The following SIPA1L1 variants were observed in gnomAD, a reference collection of about 807,000 sequenced individuals.
SIPA1L1 encodes signal induced proliferation associated 1 like 1, also known as signal-induced proliferation-associated 1-like protein 1.
A neutral mutation model predicts 162.7 loss-of-function variants in SIPA1L1; 26 were observed. The observed-to-expected ratio is 0.16, with a 90% CI of 0.12 to 0.22. The LOEUF is 0.22. Among genes scored for constraint, SIPA1L1 ranks in the 10% least tolerant of loss-of-function variants. The pLI is 1.00. For missense variants in SIPA1L1, 1,874 were observed against 2,241.0 expected, an observed-to-expected ratio of 0.84 and a Z score of 3.31; for synonymous variants, 829 against 837.4, an observed-to-expected ratio of 0.99 and a Z score of 0.17.
chr14:71,678,486 G>A (rs1178914164), intron 12 of SIPA1L1, among the ~76,000 whole-genome samples: 3 of 152,196 alleles, frequency 2.0e-5, no homozygotes, highest in Non-Finnish European at 4.4e-5. Flanking sequence ...TCCCAGGGAT[G>A]AAGCCCACTT....
intron 2 of SIPA1L1, among the ~76,000 whole-genome samples, chr14:71,404,190 CA>C (rs35791242): frequency 2.6e-5 from 4 of 151,948 alleles, no homozygotes; most frequent in African/African-American, 9.7e-5. Flanking sequence ...CTTTGGTAAC[CA>C]AAAAGCATTC....
intron 2 of SIPA1L1, among the ~76,000 whole-genome samples, chr14:71,384,342 C>T (rs866006086): frequency 6.6e-6 from 1 of 152,036 alleles, no homozygotes; most frequent in Non-Finnish European, 1.5e-5. Flanking sequence ...GGAGATTATT[C>T]TGGGTTTGTG....
chr14:71,639,776 A>G (rs1177733690), intron 7 of SIPA1L1, among the ~76,000 whole-genome samples: 2 of 152,216 alleles, frequency 1.3e-5, no homozygotes, highest in African/African-American at 4.8e-5. Flanking sequence ...CCCCACACAA[A>G]TATATCTAGC....
chr14:71,588,594 C>T lies in SIPA1L1; in HGVS notation c.722C>T (p.Thr241Ile), dbSNP rs2034884395. Residue 241 changes from threonine (T) to isoleucine (I), a missense_variant, in exon 5 of 24, where the codon ACC becomes ATC. Physicochemically the swap from Thr to Ile is moderately conservative, Grantham distance 89 (BLOSUM62 -1). This residue lies in a region of SIPA1L1 where 685 missense variants were observed against 828.0 expected (regional missense o/e 0.83). Transcript: ENST00000381232. This position sits in a 1 kb window ranked among gnomAD's most constrained non-coding sequence, Gnocchi z 4.3. ...AAATCTGATCGAGGTCCAACTCCAA[C>T]CAAGCTCAGTGACTTTCTCATTACT... ...DDKSDRGPTPTKLSDFLITGG... is the reference protein window; with the variant it reads ...DDKSDRGPTPIKLSDFLITGG... The T allele has an allele frequency of 6.2e-7, 1 of 1,614,026 alleles. No homozygotes were observed. The highest frequency in any genetic ancestry group is 2.2e-5 in the East Asian group (1 of 44,870).
intron 2 of SIPA1L1, among the ~76,000 whole-genome samples, chr14:71,456,946 T>C: frequency 6.6e-6 from 1 of 152,144 alleles, no homozygotes; most frequent in Non-Finnish European, 1.5e-5. Flanking sequence ...ATTTCTCTTA[T>C]TTATTTATTT....
intron 2 of SIPA1L1, among the ~76,000 whole-genome samples, chr14:71,476,714 G>A (rs182064853): frequency 1.3e-3 from 203 of 151,302 alleles, no homozygotes; most frequent in Non-Finnish European, 2.4e-3. Context: ...GTCTAGATCT[G>A]TTGCCCAGGC....
In SIPA1L1 at chr14:71,529,733, C is replaced by T. The variant is rs558591411; in HGVS notation, c.-303+363C>T. Among the ~76,000 whole-genome samples, 11 of 152,336 alleles carry T rather than the reference C, an allele frequency of 7.2e-5. 1 individual carries two copies. In the South Asian group the frequency reaches 2.3e-3, roughly 32 times the overall value. On this transcript the variant is annotated intron_variant, in intron 4 of 23. Transcript: ENST00000381232. The stretch of plus-strand genomic sequence containing the variant: ...AGGAGCAGTCTCATTTCTGCCTTGT[C>T]CATGATTGACTCATGAACTCTGGCT...
At chr14:71,466,405 G>A (rs530602026) in intron 2 of SIPA1L1, among the ~76,000 whole-genome samples, 5 of 152,258 alleles carry the variant, frequency 3.3e-5, no homozygotes, top group African/African-American at 1.2e-4. Flanking sequence ...ACTGCAAATT[G>A]TGCTTGTGTC....
chr14:71,731,844 A>G (rs1424179069), intron 20 of SIPA1L1, among the ~76,000 whole-genome samples: 1 of 152,202 alleles, frequency 6.6e-6, no homozygotes, highest in South Asian at 2.1e-4. Context: ...CCTGAATAAG[A>G]TAGCAGCTGC....
At chr14:71,466,646 AT>A (rs2047020574) in intron 2 of SIPA1L1, among the ~76,000 whole-genome samples, 1 of 151,720 alleles carries the variant, frequency 6.6e-6, no homozygotes, top group Non-Finnish European at 1.5e-5. Flanking sequence ...GCAGCGTTAT[AT>A]TTTTTAACCC....
chr14:71,631,914 G>A (rs557887288), intron 7 of SIPA1L1, among the ~76,000 whole-genome samples: 37 of 152,188 alleles, frequency 2.4e-4, no homozygotes, highest in Non-Finnish European at 4.6e-4. Context: ...AGAGAGTTAT[G>A]TATATGAAGA....
chr14:71,449,692 C>T (rs1164381828), intron 2 of SIPA1L1, among the ~76,000 whole-genome samples: 1 of 152,198 alleles, frequency 6.6e-6, no homozygotes, highest in African/African-American at 2.4e-5. Context: ...CATAAAATCA[C>T]AACTGCTGGC....
At position 71,386,987 on chromosome 14, in the gene SIPA1L1, G is replaced by A. The variant is rs575788912; in HGVS notation, c.-465+65806G>A. The stretch of plus-strand genomic sequence containing the variant: ...ACTGTGGCCGGGCGCAGTGGCTCAC[G>A]CCTGTAATCCCAGCACTTTGGGAGG... On this transcript the variant is annotated intron_variant, in intron 2 of 23. Coordinates refer to ENST00000381232, the MANE Select transcript of SIPA1L1 (RefSeq NM_001386936.1). 3.3e-5 allele frequency among the ~76,000 whole-genome samples: 5 copies of A among 152,198 alleles called. No homozygotes were observed. In the South Asian group the frequency reaches 1.0e-3, roughly 32 times the overall value.
At chr14:71,459,659 C>T (rs1041540477) in intron 2 of SIPA1L1, among the ~76,000 whole-genome samples, 3 of 152,132 alleles carry the variant, frequency 2.0e-5, no homozygotes, top group Non-Finnish European at 4.4e-5. Context: ...AGGCCAGTCT[C>T]GCCTTTTCGT....
chr14:71,716,422 C>G (rs2083275897), intron 17 of SIPA1L1, among the ~76,000 whole-genome samples: 1 of 152,222 alleles, frequency 6.6e-6, no homozygotes, highest in Non-Finnish European at 1.5e-5. Context: ...CTCTCTGCTT[C>G]CTGAAAATAC....
chr14:71,428,448 G>A (rs867021989), intron 2 of SIPA1L1, among the ~76,000 whole-genome samples: 5 of 151,198 alleles, frequency 3.3e-5, no homozygotes, highest in African/African-American at 4.9e-5. Flanking sequence ...TGATCAATCT[G>A]ATGTGTAAAT....
intron 2 of SIPA1L1, chr14:71,467,239 T>C (rs2142068423): frequency 6.6e-6 from 1 of 152,344 alleles, no homozygotes; most frequent in South Asian, 2.1e-4. Flanking sequence ...GAATGTTGAC[T>C]ATTTACAGGT....
intron 12 of SIPA1L1, among the ~76,000 whole-genome samples, chr14:71,677,693 G>T (rs2149456028): frequency 6.6e-6 from 1 of 152,240 alleles, no homozygotes. Context: ...CCTACATATG[G>T]CTAGCCAGTT....
Position 71,507,635 on chromosome 14 carries a change from C to T in SIPA1L1, c.-464-5108C>T, listed in dbSNP as rs1221900295. On this transcript the variant is annotated intron_variant, in intron 2 of 23. Coordinates refer to ENST00000381232, the MANE Select transcript of SIPA1L1 (RefSeq NM_001386936.1). The stretch of plus-strand genomic sequence containing the variant: ...TGTCTTGACCATCTTACTCCTTGTA[C>T]TTCCTTTCTCTTACTGTTACTTACT... Among the ~76,000 whole-genome samples, 3 of 152,314 alleles carry T rather than the reference C, an allele frequency of 2.0e-5. No homozygotes were observed. The East Asian group carries it at 5.8e-4, about 29-fold the overall frequency.
Sources: gnomAD v4.1 joint callset for allele counts (sites outside exome capture counted in the v4.1 genomes callset) on GRCh38, gnomAD v4.1.1 for gene constraint, gnomAD v4.1.1 regional missense constraint, Gnocchi (gnomAD v3.1) non-coding constraint, MANE v1.5 for transcripts, NCBI Gene and HGNC (gene_info 2026-07-23, HGNC 2026-07-21) for gene names.